The following PTPRT variants were observed in gnomAD, a reference collection of about 807,000 sequenced individuals.
The protein encoded by PTPRT is protein tyrosine phosphatase receptor type T.
Under a neutral mutation model 176.8 loss-of-function variants are expected in PTPRT, and 56 were observed. That is an observed-to-expected ratio of 0.32 (90% CI 0.26 to 0.40). PTPRT has a LOEUF of 0.40. PTPRT is among the 10% of genes least tolerant of loss of function. The pLI, the probability that PTPRT is intolerant of heterozygous loss-of-function variation, is 1.00. For synonymous variants in PTPRT, 783 were observed against 739.0 expected (o/e 1.06, Z -0.96); for missense variants, 1,540 against 1,908.2 (o/e 0.81, Z 3.60).
At chr20:42,258,762 C>T (rs1485187517) in intron 13 of PTPRT, among the ~76,000 whole-genome samples, 1 of 152,178 alleles carries the variant, frequency 6.6e-6, no homozygotes, top group East Asian at 1.9e-4. Flanking sequence ...TGCCTCAATT[C>T]ATCATATGAC....
intron 7 of PTPRT, among the ~76,000 whole-genome samples, chr20:42,560,710 A>G (rs1299262522): frequency 6.6e-6 from 1 of 152,126 alleles, no homozygotes; most frequent in African/African-American, 2.4e-5. Flanking sequence ...TTTGTATGTA[A>G]TTGGAGGTGC....
At chr20:42,471,444 G>A (rs1334778224) in intron 8 of PTPRT, among the ~76,000 whole-genome samples, 3 of 152,078 alleles carry the variant, frequency 2.0e-5, no homozygotes, top group South Asian at 2.1e-4. Flanking sequence ...GTGTGGCACC[G>A]CCAATCTTTT....
intron 6 of PTPRT, among the ~76,000 whole-genome samples, chr20:42,722,835 T>C (rs147961960): frequency 6.6e-4 from 101 of 152,334 alleles, no homozygotes; most frequent in African/African-American, 2.3e-3. Flanking sequence ...AGCACAGATC[T>C]ATGTGCACAA....
At chr20:43,019,617 C>CAAAA (rs539102745) in intron 1 of PTPRT, among the ~76,000 whole-genome samples, 290 of 56,112 alleles carry the variant, frequency 5.2e-3, no homozygotes, top group African/African-American at 0.014. Context: ...GACACCGTCT[C>CAAAA]AAAAAAAAAA....
Position 42,664,618 on chromosome 20 carries a change from C to A in PTPRT, c.1153+13248G>T, listed in dbSNP as rs376023183. Among the ~76,000 whole-genome samples the A allele has an allele frequency of 3.1e-4, 47 of 152,180 alleles. No homozygotes were observed. The East Asian group carries it at 7.1e-3, about 23-fold the overall frequency. ...TATTAATCATGTACTATTTGATAAG[C>A]AATTTTCAATTCATATAAATTTTTT... On this transcript the variant is annotated intron_variant, in intron 7 of 30. Transcript: ENST00000373187.
chr20:42,412,243 G>A (rs776705196), intron 9 of PTPRT, among the ~76,000 whole-genome samples: 7 of 152,160 alleles, frequency 4.6e-5, no homozygotes, highest in Admixed American at 1.3e-4. Flanking sequence ...TAAAATATAG[G>A]CAAGCAGTTT....
At chr20:42,233,409 G>A (rs946064881) in intron 15 of PTPRT, among the ~76,000 whole-genome samples, 3 of 152,124 alleles carry the variant, frequency 2.0e-5, no homozygotes, top group African/African-American at 7.2e-5. Flanking sequence ...GTAGCTTTGG[G>A]GGAATGACTT....
At chr20:42,061,150 G>T in the PTPRT span, among the ~76,000 whole-genome samples, 134 of 152,282 alleles carry the variant, frequency 8.8e-4, no homozygotes, top group African/African-American at 3.1e-3. Context: ...ATCTATAAAG[G>T]TTTATTCGTC....
chr20:42,052,989 A>C, the PTPRT span, among the ~76,000 whole-genome samples: 2 of 152,226 alleles, frequency 1.3e-5, no homozygotes, highest in African/African-American at 4.8e-5. Context: ...TCTCTGTTGC[A>C]ATGCGTCAAC....
intron 9 of PTPRT, among the ~76,000 whole-genome samples, chr20:42,441,572 G>A (rs940165148): frequency 6.6e-6 from 1 of 152,202 alleles, no homozygotes; most frequent in African/African-American, 2.4e-5. Context: ...TCTGGCTGCA[G>A]TGTGGACATA....
intron 20 of PTPRT, among the ~76,000 whole-genome samples, chr20:42,119,215 A>T (rs897460357): frequency 6.6e-6 from 1 of 152,198 alleles, no homozygotes; most frequent in South Asian, 2.1e-4. Context: ...ATTTACTGTA[A>T]TAAGCATCAG....
intron 17 of PTPRT, among the ~76,000 whole-genome samples, chr20:42,147,743 T>C (rs551188996): frequency 6.6e-6 from 1 of 152,282 alleles, no homozygotes; most frequent in Non-Finnish European, 1.5e-5. Context: ...CCTGTCATGG[T>C]CCTGGGAGCC....
intron 7 of PTPRT, among the ~76,000 whole-genome samples, chr20:42,477,450 T>C (rs1451816770): frequency 6.6e-6 from 1 of 152,110 alleles, no homozygotes; most frequent in Non-Finnish European, 1.5e-5. Flanking sequence ...GGAAACTAGG[T>C]TTTAGAGTGT....
At chr20:42,619,121 TTTA>T (rs2074138927) in intron 7 of PTPRT, among the ~76,000 whole-genome samples, 1 of 150,930 alleles carries the variant, frequency 6.6e-6, no homozygotes, top group Non-Finnish European at 1.5e-5. Context: ...CAGGAGCTCT[TTTA>T]GGGCAGGCCT....
chr20:42,143,605 G>A (rs1250178972), intron 17 of PTPRT, among the ~76,000 whole-genome samples: 4 of 151,840 alleles, frequency 2.6e-5, no homozygotes, highest in African/African-American at 4.8e-5. Flanking sequence ...AACACATGAT[G>A]GTACCTTGGA....
chr20:42,727,208 C>G (rs192177751), intron 6 of PTPRT, among the ~76,000 whole-genome samples: 34 of 152,264 alleles, frequency 2.2e-4, no homozygotes, highest in Middle Eastern at 6.8e-3. Context: ...CCATCCCCCC[C>G]GTTCCAATGC....
chr20:42,055,005 G>A, the PTPRT span, among the ~76,000 whole-genome samples: 1 of 152,188 alleles, frequency 6.6e-6, no homozygotes, highest in Non-Finnish European at 1.5e-5. Flanking sequence ...GTTAGTGGGT[G>A]CAGCGCACCA....
chr20:42,822,404 G>A (rs60969665), intron 2 of PTPRT, among the ~76,000 whole-genome samples: 3,365 of 152,200 alleles, frequency 0.022, 113 homozygotes, highest in African/African-American at 0.076. Flanking sequence ...ATTATCTCAA[G>A]ATAGATTAAA....
chr20:43,004,094 T>A (rs927873909), intron 1 of PTPRT, among the ~76,000 whole-genome samples: 1 of 151,750 alleles, frequency 6.6e-6, no homozygotes, highest in African/African-American at 2.4e-5. Context: ...AAAATATAAA[T>A]TCAGTGGTTG....
Sources: gnomAD v4.1 joint callset for allele counts (sites outside exome capture counted in the v4.1 genomes callset) on GRCh38, gnomAD v4.1.1 for gene constraint, MANE v1.5 for transcripts, NCBI Gene and HGNC (gene_info 2026-07-23, HGNC 2026-07-21) for gene names.